The following ACSS3 variants were observed in gnomAD, a reference collection of about 807,000 sequenced individuals.
The protein encoded by ACSS3 is acyl-CoA synthetase short-chain family member 3, mitochondrial.
In ACSS3, 64 loss-of-function variants were observed where a neutral mutation model predicts 84.2. That is an observed-to-expected ratio of 0.76 (90% CI 0.62 to 0.94). The LOEUF (loss-of-function observed/expected upper bound fraction) is 0.94. ACSS3 is among the 40% of genes least tolerant of loss of function. The pLI is 0.00. For synonymous variants in ACSS3, 317 were observed against 310.1 expected (o/e 1.02, Z -0.23); for missense variants, 815 against 867.6 (o/e 0.94, Z 0.76).
chr12:81,095,906 A>G (rs1427130564), intron 1 of ACSS3, among the ~76,000 whole-genome samples: 1 of 152,212 alleles, frequency 6.6e-6, no homozygotes, highest in Non-Finnish European at 1.5e-5. Flanking sequence ...TAAAATAATT[A>G]TCTGTGCTAT....
intron 2 of ACSS3, among the ~76,000 whole-genome samples, chr12:81,132,317 G>A (rs181146695): frequency 3.7e-4 from 56 of 152,230 alleles, no homozygotes; most frequent in African/African-American, 1.1e-3. Context: ...CCTGTTGTTG[G>A]TGTTTTCAGG....
intron 7 of ACSS3, among the ~76,000 whole-genome samples, chr12:81,162,411 C>T (rs1010792228): frequency 2.0e-5 from 3 of 152,138 alleles, no homozygotes; most frequent in African/African-American, 7.2e-5. Flanking sequence ...ATGGATAACT[C>T]CTATCTGCAG....
chr12:81,109,334 G>A (rs1883368879), intron 1 of ACSS3, among the ~76,000 whole-genome samples: 1 of 152,092 alleles, frequency 6.6e-6, no homozygotes, highest in South Asian at 2.1e-4. Flanking sequence ...TGTGAGGTAT[G>A]TATTTTTTTA....
chr12:81,238,919 A>G (rs2033708609), intron 13 of ACSS3, among the ~76,000 whole-genome samples: 2 of 150,876 alleles, frequency 1.3e-5, no homozygotes, highest in African/African-American at 4.9e-5. Context: ...TTGGTCTTCC[A>G]TTTTCTAGTT....
intron 9 of ACSS3, among the ~76,000 whole-genome samples, chr12:81,200,662 G>A (rs1413113660): frequency 6.6e-6 from 1 of 152,078 alleles, no homozygotes. Flanking sequence ...AGCAAAAACA[G>A]GCAGATCACT....
chr12:81,085,930 G>GA (rs912662664), intron 1 of ACSS3, among the ~76,000 whole-genome samples: 19 of 150,266 alleles, frequency 1.3e-4, no homozygotes, highest in African/African-American at 3.2e-4. Flanking sequence ...GTTTCAAAGG[G>GA]AAAAAAAAAG....
intron 5 of ACSS3, among the ~76,000 whole-genome samples, chr12:81,151,357 G>A (rs147174053): frequency 2.2e-3 from 330 of 152,168 alleles, no homozygotes; most frequent in Admixed American, 8.0e-3. Flanking sequence ...TCAGTGAAGC[G>A]TTGTAATGAG....
In ACSS3 at chr12:81,143,203, C is replaced by T. The variant is rs1232767378; in HGVS notation, c.877C>T (p.Pro293Ser). 8.1e-6 allele frequency: 13 copies of T among 1,612,656 alleles called. No individual in the cohort carries two copies. The highest frequency in any genetic ancestry group is 1.0e-5 in the Non-Finnish European group (12 of 1,179,022). Residue 293 changes from proline to serine, a missense_variant, in exon 5 of 16, where the codon CCA (proline) becomes TCA (serine). Transcript: ENST00000548058. ...CTGTGTTCCTGTTCTTTCAGAACACCCACTGTATATTCTTTACACATCTGG... is the reference window on the plus strand; with the variant it reads ...CTGTGTTCCTGTTCTTTCAGAACACTCACTGTATATTCTTTACACATCTGG... ...HDCVPVLSEH[P>S]LYILYTSGTT...
chr12:81,209,432 C>T (rs1194925251), intron 9 of ACSS3, among the ~76,000 whole-genome samples: 2 of 148,484 alleles, frequency 1.3e-5, no homozygotes, highest in Non-Finnish European at 3.0e-5. Context: ...CAGCTTAAAA[C>T]AACAACCATA....
chr12:81,235,060 C>A (rs2033587620), intron 13 of ACSS3, among the ~76,000 whole-genome samples: 1 of 151,156 alleles, frequency 6.6e-6, no homozygotes, highest in Non-Finnish European at 1.5e-5. Context: ...TATTGTTTTA[C>A]ATTTATATCA....
chr12:81,163,230 TA>T (rs1312149488), intron 7 of ACSS3, among the ~76,000 whole-genome samples: 1 of 151,992 alleles, frequency 6.6e-6, no homozygotes, highest in Non-Finnish European at 1.5e-5. Context: ...TCAAAAATAT[TA>T]TTTTTTTATA....
chr12:81,135,273 T>C (rs1402987335), intron 3 of ACSS3, among the ~76,000 whole-genome samples: 2 of 135,270 alleles, frequency 1.5e-5, no homozygotes, highest in East Asian at 4.2e-4. Flanking sequence ...AAATGTGATA[T>C]ATATAATATA....
chr12:81,253,738 A>C, intron 15 of ACSS3, 68 bp downstream of exon 15: 1 of 1,515,230 alleles, frequency 6.6e-7, no homozygotes, highest in South Asian at 1.2e-5. Context: ...GCATCAGCAA[A>C]GCTCTTAAAA....
In ACSS3 at chr12:81,150,457, A is replaced by G. The variant is rs371485067; in HGVS notation, c.922-1387A>G. Among the ~76,000 whole-genome samples, 121 of 152,354 alleles carry G rather than the reference A, an allele frequency of 7.9e-4. 1 individual carries two copies. The highest frequency in any genetic ancestry group is 2.8e-3 in the African/African-American group (117 of 41,590). ...TCAATAGAACAAACTAGCAAAGTGC[A>G]TGGACGATAGGATAGGATACAGTGG... On this transcript the variant is annotated intron_variant, in intron 5 of 15. Coordinates refer to ENST00000548058, the MANE Select transcript of ACSS3 (RefSeq NM_024560.4).
intron 13 of ACSS3, among the ~76,000 whole-genome samples, chr12:81,247,609 A>C (rs957352511): frequency 1.3e-5 from 2 of 152,056 alleles, no homozygotes; most frequent in Non-Finnish European, 1.5e-5. Flanking sequence ...TAAATGACTA[A>C]GTTTTTATTA....
At chr12:81,179,410 A>G (rs2030756481) in intron 8 of ACSS3, among the ~76,000 whole-genome samples, 1 of 152,070 alleles carries the variant, frequency 6.6e-6, no homozygotes. Flanking sequence ...AGTATGGGAG[A>G]CAATATCTGC....
intron 13 of ACSS3, among the ~76,000 whole-genome samples, chr12:81,238,740 G>T (rs532127590): frequency 1.3e-5 from 2 of 151,112 alleles, no homozygotes; most frequent in East Asian, 3.9e-4. Context: ...TTAGTAATTT[G>T]TCTCTTCCTT....
chr12:81,177,286 A>T lies in ACSS3; in HGVS notation c.1250+2347A>T, dbSNP rs76658529. Among the ~76,000 whole-genome samples the T allele has an allele frequency of 1.9e-3, 289 of 152,306 alleles. 1 individual carries two copies. Among genetic ancestry groups the T allele is most frequent in the Non-Finnish European group, 3.6e-3 (244 of 68,034 alleles). The stretch of plus-strand genomic sequence containing the variant: ...ATGTGCACTGTCACCACTCCTATTC[A>T]ACATAGTTCTGGAAGTCCTTGACAA... On this transcript the variant is annotated intron_variant, in intron 8 of 15. Transcript: ENST00000548058.
At chr12:81,107,425 G>T (rs1883105825) in intron 1 of ACSS3, among the ~76,000 whole-genome samples, 1 of 145,902 alleles carries the variant, frequency 6.9e-6, no homozygotes, top group South Asian at 2.2e-4. Context: ...TAAAGGAAAA[G>T]AGAATAATGA....
Sources: allele counts gnomAD v4.1 joint callset (sites outside exome capture counted in the v4.1 genomes callset), GRCh38; gene constraint gnomAD v4.1.1; transcripts MANE v1.5; gene names NCBI Gene and HGNC (gene_info 2026-07-23, HGNC 2026-07-21).